Variants in CDH20 observed in about 807,000 individuals in gnomAD.
The protein encoded by CDH20 is cadherin 20, also known as cadherin-20.
Under a neutral mutation model 74.2 loss-of-function variants are expected in CDH20, and 29 were observed. The observed-to-expected ratio is 0.39, with a 90% CI of 0.29 to 0.53. CDH20 has a LOEUF of 0.53. Ranked by LOEUF, CDH20 falls within the 20% of genes least tolerant of loss-of-function variation. The pLI, the probability that CDH20 is intolerant of heterozygous loss-of-function variation, is 0.69. For missense variants in CDH20, 988 were observed against 1,048.3 expected (o/e 0.94, Z 0.79); for synonymous variants, 469 against 405.4 (o/e 1.16, Z -1.88).
At chr18:61,427,776 A>G (rs1839900163) in intron 1 of CDH20, among the ~76,000 whole-genome samples, 1 of 152,220 alleles carries the variant, frequency 6.6e-6, no homozygotes, top group Admixed American at 6.5e-5. Context: ...TGATCTCTAG[A>G]ATCCCCTCCA....
Position 61,554,713 on chromosome 18 carries a change from G to GC in CDH20, c.*19dup. On this transcript the variant is annotated 3_prime_UTR_variant, in exon 12 of 12. Coordinates refer to ENST00000262717, the MANE Select transcript of CDH20 (RefSeq NM_031891.4). The stretch of plus-strand genomic sequence containing the variant: ...TGTGGTGACGGAAGCCAGGAGGCAG[G>GC]CGCGCGTCCAAATCCAGACGTTCTC... The GC allele has an allele frequency of 1.9e-5, 29 of 1,531,936 alleles. No homozygotes were observed. Among genetic ancestry groups the GC allele is most frequent in the Non-Finnish European group, 2.5e-5 (28 of 1,139,716 alleles). 94.9% of individuals were successfully genotyped at this position (1,531,936 alleles called of 1,614,324 possible). A position where few individuals can be genotyped will look rare whatever the true frequency, so the allele number is the denominator to read the frequency against.
chr18:61,420,635 G>A (rs1049053110), intron 1 of CDH20, among the ~76,000 whole-genome samples: 1 of 152,144 alleles, frequency 6.6e-6, no homozygotes, highest in Non-Finnish European at 1.5e-5. Flanking sequence ...GCCTGGGGCT[G>A]GAACTGCAGT....
intron 1 of CDH20, among the ~76,000 whole-genome samples, chr18:61,399,111 T>A (rs763890320): frequency 4.6e-5 from 7 of 151,274 alleles, no homozygotes; most frequent in Non-Finnish European, 1.0e-4. Flanking sequence ...ACATGACTAA[T>A]GGAATGAAGA....
At position 61,554,358 on chromosome 18, in the gene CDH20, A is replaced by G. The variant is rs778391000; in HGVS notation, c.2069A>G (p.Gln690Arg). 8.7e-6 allele frequency: 14 copies of G among 1,612,966 alleles called. No homozygotes were observed. The highest frequency in any genetic ancestry group is 8.5e-6 in the Non-Finnish European group (10 of 1,179,728). The part of the protein sequence containing the change: ...IAAMWNPREA[Q>R]AGAAPKTRQD... Reference sequence around the variant, plus strand: ...GCCATGTGGAACCCCCGGGAGGCGCAGGCGGGGGCCGCCCCCAAGACGCGG... The same window carrying G: ...GCCATGTGGAACCCCCGGGAGGCGCGGGCGGGGGCCGCCCCCAAGACGCGG... Residue 690 changes from glutamine (Q) to arginine (R), a missense_variant, in exon 12 of 12, where the codon CAG (glutamine) becomes CGG (arginine). Physicochemically the swap from Gln to Arg is conservative, Grantham distance 43 (BLOSUM62 1). This residue lies in a region of CDH20 where 375 missense variants were observed against 293.1 expected (regional missense o/e 1.28). Coordinates refer to ENST00000262717, the MANE Select transcript of CDH20 (RefSeq NM_031891.4).
intron 9 of CDH20, among the ~76,000 whole-genome samples, chr18:61,542,630 G>T (rs1036341463): frequency 6.6e-6 from 1 of 152,154 alleles, no homozygotes; most frequent in Non-Finnish European, 1.5e-5. Context: ...TGTCTCAGTC[G>T]GTTTGTATTG....
chr18:61,533,432 A>C (rs1282948848), intron 7 of CDH20, among the ~76,000 whole-genome samples: 2 of 152,262 alleles, frequency 1.3e-5, no homozygotes, highest in African/African-American at 4.8e-5. Context: ...AGTACATAGT[A>C]AAGTGCCTGA....
intron 1 of CDH20, among the ~76,000 whole-genome samples, chr18:61,448,523 C>T (rs2048598102): frequency 6.6e-6 from 1 of 152,164 alleles, no homozygotes; most frequent in Admixed American, 6.5e-5. Context: ...GGAAGTGCGA[C>T]TGTGGCAGGA....
intron 1 of CDH20, among the ~76,000 whole-genome samples, chr18:61,385,547 GA>G (rs80019081): frequency 0.24 from 35,467 of 150,328 alleles, 4,916 homozygotes; most frequent in East Asian, 0.56. Context: ...ATACCTCAAG[GA>G]AAAAAAATGA....
intron 1 of CDH20, among the ~76,000 whole-genome samples, chr18:61,375,125 T>C (rs1320860269): frequency 6.6e-6 from 1 of 152,094 alleles, no homozygotes; most frequent in Non-Finnish European, 1.5e-5. Context: ...ACATGTCTCA[T>C]TGAGCGCCGC....
At chr18:61,443,267 C>T (rs1401034929) in intron 1 of CDH20, among the ~76,000 whole-genome samples, 1 of 152,026 alleles carries the variant, frequency 6.6e-6, no homozygotes, top group African/African-American at 2.4e-5. Flanking sequence ...CCAAACATGT[C>T]CCTTGGGTTC....
chr18:61,335,055 A>G (rs1390456302), intron 1 of CDH20, among the ~76,000 whole-genome samples: 1 of 152,126 alleles, frequency 6.6e-6, no homozygotes, highest in East Asian at 1.9e-4. Context: ...ACCTAAGAAC[A>G]ACAAAAAGTT....
At chr18:61,356,871 A>G in intron 1 of CDH20, among the ~76,000 whole-genome samples, 1 of 152,232 alleles carries the variant, frequency 6.6e-6, no homozygotes, top group African/African-American at 2.4e-5. Flanking sequence ...TCATTTAAAC[A>G]TCTGCAAGCT....
At chr18:61,514,845 C>T (rs1911929894) in intron 6 of CDH20, among the ~76,000 whole-genome samples, 1 of 152,030 alleles carries the variant, frequency 6.6e-6, no homozygotes, top group African/African-American at 2.4e-5. Flanking sequence ...CTTGAGGAGG[C>T]AGTCTGCCCA....
Position 61,528,200 on chromosome 18 carries a change from T to C in CDH20, c.1251T>C (p.Asp417=), listed in dbSNP as rs1912506198. Residue 417 remains aspartate, a synonymous_variant, in exon 7 of 12, where the codon GAT becomes GAC. Coordinates refer to ENST00000262717, the MANE Select transcript of CDH20 (RefSeq NM_031891.4). ...TIQIISAKDP[D]VTNNSIRYSI... ...AGATCATTTCTGCCAAGGACCCAGA[T>C]GTGACCAACAACTCAATCAGGTTTT... 6.2e-7 allele frequency: 1 copy of C among 1,614,038 alleles called. No individual in the cohort carries two copies. The highest frequency in any genetic ancestry group is 1.7e-5 in the Admixed American group (1 of 59,994).
chr18:61,501,812 G>A (rs936943207), intron 4 of CDH20, among the ~76,000 whole-genome samples: 10 of 152,088 alleles, frequency 6.6e-5, no homozygotes, highest in African/African-American at 1.9e-4. Context: ...CCCACAGGGA[G>A]GAAAAATGCA....
intron 1 of CDH20, among the ~76,000 whole-genome samples, chr18:61,483,077 C>A (rs1568158441): frequency 6.6e-6 from 1 of 152,142 alleles, no homozygotes; most frequent in East Asian, 1.9e-4. Context: ...GGGTCTAGTT[C>A]ATATGTTCCC....
intron 1 of CDH20, among the ~76,000 whole-genome samples, chr18:61,462,774 G>C (rs1213134920): frequency 1.3e-5 from 2 of 150,952 alleles, no homozygotes; most frequent in Non-Finnish European, 3.0e-5. Flanking sequence ...CCAATAATAA[G>C]GGCTAATAAC....
chr18:61,500,138 A>G (rs1911321539), intron 3 of CDH20, among the ~76,000 whole-genome samples: 1 of 137,712 alleles, frequency 7.3e-6, no homozygotes, highest in African/African-American at 2.7e-5. Flanking sequence ...AAAAAAAAAA[A>G]AAAAAAAAAA....
chr18:61,538,909 G>A, intron 8 of CDH20, 115 bp from the exon 9 acceptor site: 2 of 1,165,196 alleles, frequency 1.7e-6, no homozygotes, highest in Admixed American at 2.0e-5. Context: ...TGGGATTACA[G>A]GCGTGAGCCA....
Sources: gnomAD v4.1 joint callset for allele counts (sites outside exome capture counted in the v4.1 genomes callset) on GRCh38, gnomAD v4.1.1 for gene constraint, gnomAD v4.1.1 regional missense constraint, MANE v1.5 for transcripts, NCBI Gene and HGNC (gene_info 2026-07-23, HGNC 2026-07-21) for gene names.